LY96: variants seen among roughly 807,000 people sequenced by gnomAD.
The protein encoded by LY96 is myeloid differentiation protein-2.
A neutral mutation model predicts 18.9 loss-of-function variants in LY96; 18 were observed. The observed-to-expected ratio is 0.95, with a 90% CI of 0.66 to 1.41. LY96 has a LOEUF of 1.41. Ranked by LOEUF, LY96 falls within the 40% of genes most tolerant of loss-of-function variation. The pLI is 0.00. For synonymous variants in LY96, 66 were observed against 62.6 expected, an observed-to-expected ratio of 1.06 and a Z score of -0.26; for missense variants, 175 against 182.4, an observed-to-expected ratio of 0.96 and a Z score of 0.23.
At chr8:74,058,863 A>G in the LY96 span, among the ~76,000 whole-genome samples, 1 of 152,064 alleles carries the variant, frequency 6.6e-6, no homozygotes, top group Admixed American at 6.6e-5. Context: ...AATTATACGG[A>G]ATGAGAAGTC....
chr8:74,042,363 T>C, the LY96 span, among the ~76,000 whole-genome samples: 1 of 152,016 alleles, frequency 6.6e-6, no homozygotes, highest in East Asian at 1.9e-4. Context: ...TCTCTAAAAA[T>C]ACAAAAAATT....
chr8:74,086,118 A>G, the LY96 span, among the ~76,000 whole-genome samples: 3 of 152,118 alleles, frequency 2.0e-5, no homozygotes, highest in East Asian at 1.9e-4. Context: ...GATCCCACAT[A>G]TAAGTGAAAT....
intron 3 of LY96, 139 bp downstream of exon 3, chr8:74,010,268 C>A: frequency 1.4e-6 from 1 of 726,734 alleles, no homozygotes; most frequent in Non-Finnish European, 2.3e-6. Flanking sequence ...ACTTTAGCAG[C>A]TTAAATAACA....
At chr8:74,084,011 C>T in the LY96 span, among the ~76,000 whole-genome samples, 1 of 152,018 alleles carries the variant, frequency 6.6e-6, no homozygotes, top group South Asian at 2.1e-4. Context: ...CTACAGGTTT[C>T]CCCTCATGCT....
chr8:74,084,855 T>A, the LY96 span, among the ~76,000 whole-genome samples: 1 of 152,228 alleles, frequency 6.6e-6, no homozygotes, highest in East Asian at 1.9e-4. Flanking sequence ...CCTCAAGTGA[T>A]CCGCCTGCCT....
the LY96 span, among the ~76,000 whole-genome samples, chr8:74,081,302 C>T: frequency 1.3e-5 from 2 of 150,026 alleles, no homozygotes; most frequent in East Asian, 3.9e-4. Flanking sequence ...GTTGCCCAGG[C>T]TTAAGTGCAG....
the LY96 span, among the ~76,000 whole-genome samples, chr8:74,059,580 G>A: frequency 6.6e-6 from 1 of 152,258 alleles, no homozygotes; most frequent in South Asian, 2.1e-4. Context: ...AAATGGCATT[G>A]CCAAAATTCA....
In LY96 at chr8:73,991,477, C is replaced by A. The variant is rs141631661; in HGVS notation, c.35C>A (p.Ser12Tyr). Residue 12 changes from serine (S) to tyrosine (Y), a missense_variant, in exon 1 of 5, where the codon TCT becomes TAT. Ser to Tyr is a moderately radical substitution (Grantham distance 144). Coordinates refer to ENST00000284818, the MANE Select transcript of LY96 (RefSeq NM_015364.5). ...LPFLFFSTLF[S>Y]SIFTEAQKQY... ...TTTCTGTTTTTTTCCACCCTGTTTTCTTCCATATTTACTGAAGCTCAGAAG... is the reference window on the plus strand; with the variant it reads ...TTTCTGTTTTTTTCCACCCTGTTTTATTCCATATTTACTGAAGCTCAGAAG... The A allele has an allele frequency of 1.2e-6, 2 of 1,612,654 alleles. No homozygotes were observed. Among genetic ancestry groups the A allele is most frequent in the South Asian group, 2.2e-5 (2 of 91,026 alleles).
At chr8:74,076,755 A>G in the LY96 span, among the ~76,000 whole-genome samples, 1 of 152,132 alleles carries the variant, frequency 6.6e-6, no homozygotes, top group Non-Finnish European at 1.5e-5. Flanking sequence ...CACTTCTGAC[A>G]CTACATGTGT....
At chr8:74,067,788 G>A in the LY96 span, among the ~76,000 whole-genome samples, 4 of 152,006 alleles carry the variant, frequency 2.6e-5, no homozygotes, top group Non-Finnish European at 1.5e-5. Context: ...CAGACCGGGC[G>A]CAGTGACTTA....
the LY96 span, among the ~76,000 whole-genome samples, chr8:74,049,387 T>C: frequency 6.6e-6 from 1 of 152,238 alleles, no homozygotes; most frequent in Non-Finnish European, 1.5e-5. Context: ...AGTCATCTCA[T>C]TGTTGCTTAC....
chr8:74,017,693 A>G (rs1417256920), intron 3 of LY96, among the ~76,000 whole-genome samples: 1 of 152,222 alleles, frequency 6.6e-6, no homozygotes, highest in Non-Finnish European at 1.5e-5. Flanking sequence ...TCAGACTAAC[A>G]GTGGATCTCT....
chr8:74,063,322 C>G, the LY96 span, among the ~76,000 whole-genome samples: 1 of 152,164 alleles, frequency 6.6e-6, no homozygotes, highest in African/African-American at 2.4e-5. Flanking sequence ...TCTACTTGTT[C>G]AAATTGTTAC....
the LY96 span, among the ~76,000 whole-genome samples, chr8:74,097,370 C>G: frequency 6.6e-6 from 1 of 152,108 alleles, no homozygotes; most frequent in Non-Finnish European, 1.5e-5. Context: ...GTACCTGTAT[C>G]TGTAACAGTA....
the LY96 span, among the ~76,000 whole-genome samples, chr8:74,090,579 C>A: frequency 6.6e-6 from 1 of 152,152 alleles, no homozygotes; most frequent in African/African-American, 2.4e-5. Context: ...CATGTCTCAA[C>A]CCTACATAGC....
At chr8:73,994,675 T>A (rs1431023641) in intron 1 of LY96, among the ~76,000 whole-genome samples, 10 of 152,136 alleles carry the variant, frequency 6.6e-5, no homozygotes, top group Non-Finnish European at 1.5e-5. Context: ...TTTGTAGTGA[T>A]GGGGTTTTGC....
chr8:74,066,190 C>T, the LY96 span, among the ~76,000 whole-genome samples: 1 of 152,058 alleles, frequency 6.6e-6, no homozygotes, highest in Non-Finnish European at 1.5e-5. Context: ...TAGATGGCAC[C>T]TCTTGCTGTG....
At chr8:74,034,890 T>C in the LY96 span, among the ~76,000 whole-genome samples, 1 of 152,122 alleles carries the variant, frequency 6.6e-6, no homozygotes, top group African/African-American at 2.4e-5. Context: ...GGTACAAAGA[T>C]GCCTAAACAG....
intron 3 of LY96, among the ~76,000 whole-genome samples, chr8:74,013,748 A>G (rs1414826049): frequency 6.6e-6 from 1 of 152,168 alleles, no homozygotes; most frequent in African/African-American, 2.4e-5. Context: ...AAACACATCT[A>G]GTCATGAAAG....
Sources: allele counts gnomAD v4.1 joint callset (sites outside exome capture counted in the v4.1 genomes callset), GRCh38; gene constraint gnomAD v4.1.1; transcripts MANE v1.5; gene names NCBI Gene and HGNC (gene_info 2026-07-23, HGNC 2026-07-21).